Variants in TCERG1L observed in about 807,000 individuals in gnomAD.
The protein encoded by TCERG1L is transcription elongation regulator 1-like protein.
In TCERG1L, 37 loss-of-function variants were observed where a neutral mutation model predicts 56.3. The observed-to-expected ratio is 0.66, with a 90% CI of 0.51 to 0.87. The LOEUF is 0.87. TCERG1L is among the 40% of genes least tolerant of loss of function. TCERG1L has a pLI of 0.00. For synonymous variants in TCERG1L, 324 were observed against 326.3 expected, an observed-to-expected ratio of 0.99 and a Z score of 0.08; for missense variants, 799 against 774.2, an observed-to-expected ratio of 1.03 and a Z score of -0.38.
chr10:131,293,762 T>C (rs1449916256), intron 3 of TCERG1L, among the ~76,000 whole-genome samples: 1 of 152,258 alleles, frequency 6.6e-6, no homozygotes, highest in Non-Finnish European at 1.5e-5. Flanking sequence ...CCACATTTCA[T>C]GTTTCTTTCC....
At chr10:131,197,242 C>G (rs1845375947) in intron 4 of TCERG1L, among the ~76,000 whole-genome samples, 3 of 151,174 alleles carry the variant, frequency 2.0e-5, no homozygotes, top group Non-Finnish European at 2.9e-5. Context: ...AGTGCAATGG[C>G]AAGATCTCGG....
chr10:131,223,254 C>A (rs1453796586), intron 4 of TCERG1L, among the ~76,000 whole-genome samples: 2 of 152,188 alleles, frequency 1.3e-5, no homozygotes, highest in Non-Finnish European at 2.9e-5. Context: ...TCTTCCTCGG[C>A]CCCCGGGGCA....
chr10:131,205,972 G>T (rs576732650), intron 4 of TCERG1L, among the ~76,000 whole-genome samples: 1 of 152,136 alleles, frequency 6.6e-6, no homozygotes, highest in African/African-American at 2.4e-5. Flanking sequence ...TATGAGCAGG[G>T]GTCCACGGGC....
At chr10:131,176,408 G>A (rs936731832) in intron 4 of TCERG1L, among the ~76,000 whole-genome samples, 2 of 100,616 alleles carry the variant, frequency 2.0e-5, no homozygotes. Flanking sequence ...CATGACATGT[G>A]CACATACACC....
intron 3 of TCERG1L, among the ~76,000 whole-genome samples, chr10:131,304,446 G>GGGCCA (rs1311768586): frequency 6.6e-6 from 1 of 151,902 alleles, no homozygotes; most frequent in African/African-American, 2.4e-5. Flanking sequence ...CCTTCTTCCT[G>GGGCCA]GGAAGAAGAG....
At position 131,229,275 on chromosome 10, in the gene TCERG1L, C is replaced by T. The variant is rs552192023; in HGVS notation, c.856+30984G>A. On this transcript the variant is annotated intron_variant, in intron 4 of 11. Coordinates refer to ENST00000368642, the MANE Select transcript of TCERG1L (RefSeq NM_174937.4). ...TGTTCCAGCCCAGGCCATTCTCCTC[C>T]GCATCGAACTGTCCAACATCAAAGC... Among the ~76,000 whole-genome samples the T allele has an allele frequency of 3.8e-4, 58 of 152,376 alleles. No individual in the cohort carries two copies. In the South Asian group the frequency reaches 5.2e-3, roughly 14 times the overall value.
rs149931763 is a variant in TCERG1L at position 131,093,238 on chromosome 10, T to C, written c.1685A>G (p.His562Arg). ...AATAAGTATGAATTGGTTGAAAAAA[T>C]GCTCCTGGTCCTTTCTTTTTTGAAC... ...RLVQKRKDQEHFFNQFILILK... is the reference protein window; with the variant it reads ...RLVQKRKDQERFFNQFILILK... Residue 562 changes from histidine (H) to arginine (R), a missense_variant, in exon 12 of 12, where the codon CAT becomes CGT. Physicochemically the swap from His to Arg is conservative, Grantham distance 29 (BLOSUM62 0). Transcript: ENST00000368642. 1 of 1,613,868 alleles carries C rather than the reference T, an allele frequency of 6.2e-7. No individual in the cohort carries two copies. Among genetic ancestry groups the C allele is most frequent in the Non-Finnish European group, 8.5e-7 (1 of 1,179,874 alleles).
intron 4 of TCERG1L, among the ~76,000 whole-genome samples, chr10:131,250,090 G>T (rs1004093846): frequency 2.0e-5 from 3 of 152,192 alleles, no homozygotes; most frequent in African/African-American, 7.2e-5. Flanking sequence ...GACCAGGCAG[G>T]AGCCCAGCCG....
chr10:131,213,312 C>A (rs763223254), intron 4 of TCERG1L, among the ~76,000 whole-genome samples: 1 of 152,200 alleles, frequency 6.6e-6, no homozygotes, highest in Non-Finnish European at 1.5e-5. Flanking sequence ...CACCCGTGAA[C>A]GTGGGAGGGC....
At chr10:131,128,310 C>T (rs1246888351) in intron 8 of TCERG1L, among the ~76,000 whole-genome samples, 1 of 152,036 alleles carries the variant, frequency 6.6e-6, no homozygotes, top group Admixed American at 6.6e-5. Context: ...AGGAGGAAGC[C>T]GAGGGAGAAC....
intron 4 of TCERG1L, among the ~76,000 whole-genome samples, chr10:131,256,992 G>GAAAGAAA (rs1846172871): frequency 5.4e-4 from 32 of 59,202 alleles, no homozygotes; most frequent in Non-Finnish European, 6.4e-4. Flanking sequence ...AAGGAAGGAA[G>GAAAGAAA]GAAAGAAAGA....
chr10:131,102,836 T>C (rs146952208), intron 10 of TCERG1L, among the ~76,000 whole-genome samples: 58 of 152,240 alleles, frequency 3.8e-4, no homozygotes, highest in African/African-American at 1.4e-3. Flanking sequence ...TGCTCGCTGA[T>C]GCCGTCAGAC....
At chr10:131,277,831 G>A (rs1400158457) in intron 3 of TCERG1L, among the ~76,000 whole-genome samples, 1 of 152,154 alleles carries the variant, frequency 6.6e-6, no homozygotes, top group Non-Finnish European at 1.5e-5. Flanking sequence ...CAGGCCCCAG[G>A]CAGAGGCCTG....
chr10:131,129,759 AACT>A (rs931850445), intron 8 of TCERG1L, among the ~76,000 whole-genome samples: 5 of 152,176 alleles, frequency 3.3e-5, no homozygotes, highest in Non-Finnish European at 5.9e-5. Context: ...TGCTGTAAAG[AACT>A]ACCTGAGATT....
chr10:131,153,291 G>A (rs139223146), intron 6 of TCERG1L, among the ~76,000 whole-genome samples: 22 of 152,224 alleles, frequency 1.4e-4, no homozygotes, highest in East Asian at 1.9e-4. Flanking sequence ...GAATTTCCCC[G>A]GATGTCCTAC....
At chr10:131,100,957 C>T (rs1027821392) in intron 10 of TCERG1L, among the ~76,000 whole-genome samples, 2 of 152,196 alleles carry the variant, frequency 1.3e-5, no homozygotes, top group Non-Finnish European at 2.9e-5. Context: ...ATGGCGTGGC[C>T]TGCTTCCTCC....
intron 4 of TCERG1L, among the ~76,000 whole-genome samples, chr10:131,233,419 C>T (rs1175151928): frequency 6.6e-6 from 1 of 150,894 alleles, no homozygotes; most frequent in East Asian, 1.9e-4. Flanking sequence ...CCATTACACA[C>T]ACACATATAT....
chr10:131,194,108 CG>C, intron 4 of TCERG1L, among the ~76,000 whole-genome samples: 1 of 152,378 alleles, frequency 6.6e-6, no homozygotes, highest in East Asian at 1.9e-4. Context: ...CCACACCACA[CG>C]GCATGGAGCT....
chr10:131,151,657 A>G (rs1845869148), intron 6 of TCERG1L, among the ~76,000 whole-genome samples: 1 of 152,070 alleles, frequency 6.6e-6, no homozygotes, highest in Non-Finnish European at 1.5e-5. Context: ...GTTCTGGAGG[A>G]CAATGGCCTT....
Sources: allele counts gnomAD v4.1 joint callset (sites outside exome capture counted in the v4.1 genomes callset), GRCh38; gene constraint gnomAD v4.1.1; transcripts MANE v1.5; gene names NCBI Gene and HGNC (gene_info 2026-07-23, HGNC 2026-07-21).